Variants in PPP2R2B observed in about 807,000 individuals in gnomAD.
PPP2R2B encodes serine/threonine-protein phosphatase 2A 55 kDa regulatory subunit B beta isoform.
In PPP2R2B, 5 loss-of-function variants were observed where a neutral mutation model predicts 46.0. The ratio of observed to expected loss-of-function variants is 0.11; its 90% CI spans 0.06 to 0.23. PPP2R2B has a LOEUF of 0.23. Among genes scored for constraint, PPP2R2B ranks in the 10% least tolerant of loss-of-function variants. The pLI, the probability that PPP2R2B is intolerant of heterozygous loss-of-function variation, is 1.00. For missense variants in PPP2R2B, 367 were observed against 575.0 expected, an observed-to-expected ratio of 0.64 and a Z score of 3.70; for synonymous variants, 215 against 206.7, an observed-to-expected ratio of 1.04 and a Z score of -0.34.
chr5:146,875,389 G>C (rs1166704126), intron 2 of PPP2R2B, among the ~76,000 whole-genome samples: 1 of 152,154 alleles, frequency 6.6e-6, no homozygotes, highest in African/African-American at 2.4e-5. Context: ...TTTTGAGAAA[G>C]ACAGAGAGAG....
At chr5:146,806,411 T>C (rs564740959) in intron 2 of PPP2R2B, among the ~76,000 whole-genome samples, 2 of 152,258 alleles carry the variant, frequency 1.3e-5, no homozygotes, top group African/African-American at 2.4e-5. Context: ...AAATAGCTTG[T>C]GTATAACCTT....
intron 1 of PPP2R2B, among the ~76,000 whole-genome samples, chr5:146,963,420 T>TC (rs2151843325): frequency 6.6e-6 from 1 of 152,302 alleles, no homozygotes; most frequent in Non-Finnish European, 1.5e-5. Context: ...CCTTCTCCTG[T>TC]CTTGCTCTCT....
chr5:146,909,871 A>G (rs1034685071), intron 1 of PPP2R2B, among the ~76,000 whole-genome samples: 5 of 152,172 alleles, frequency 3.3e-5, no homozygotes, highest in African/African-American at 1.2e-4. Context: ...CTACCATCCC[A>G]CAAAAAAGCC....
At chr5:146,820,945 G>C (rs1375940111) in intron 2 of PPP2R2B, among the ~76,000 whole-genome samples, 6 of 151,994 alleles carry the variant, frequency 3.9e-5, no homozygotes, top group Non-Finnish European at 7.4e-5. Flanking sequence ...CATGCCCTCT[G>C]CACTGCGCTA....
At chr5:146,787,511 TCTCTC>T (rs2151290285) in intron 2 of PPP2R2B, among the ~76,000 whole-genome samples, 1 of 152,064 alleles carries the variant, frequency 6.6e-6, no homozygotes, top group South Asian at 2.1e-4. Context: ...TCTTTTCTCT[TCTCTC>T]CTCTCCTCTC....
At chr5:146,932,140 ATTTG>A (rs1354137260) in intron 1 of PPP2R2B, among the ~76,000 whole-genome samples, 1 of 151,996 alleles carries the variant, frequency 6.6e-6, no homozygotes, top group Admixed American at 6.6e-5. Context: ...ACTCCCTTTT[ATTTG>A]TTTGTTTTCC....
At chr5:146,764,214 C>T (rs1481752547) in intron 2 of PPP2R2B, among the ~76,000 whole-genome samples, 1 of 152,028 alleles carries the variant, frequency 6.6e-6, no homozygotes, top group Non-Finnish European at 1.5e-5. Flanking sequence ...CTGTAGGGAC[C>T]TGAGTCTGGA....
intron 1 of PPP2R2B, among the ~76,000 whole-genome samples, chr5:146,920,830 A>G (rs1763578904): frequency 2.0e-5 from 3 of 152,254 alleles, no homozygotes; most frequent in South Asian, 4.1e-4. Flanking sequence ...CGTTTGAAAA[A>G]CAGGTCTGAA....
At chr5:146,942,209 A>G (rs549840853) in intron 1 of PPP2R2B, among the ~76,000 whole-genome samples, 1 of 152,338 alleles carries the variant, frequency 6.6e-6, no homozygotes, top group Admixed American at 6.5e-5. Context: ...TTTTGGAGAG[A>G]ACATGATTTA....
At chr5:146,864,340 A>T (rs1761181706) in intron 2 of PPP2R2B, among the ~76,000 whole-genome samples, 1 of 146,424 alleles carries the variant, frequency 6.8e-6, no homozygotes, top group South Asian at 2.2e-4. Flanking sequence ...GTTAAAGTCT[A>T]ATTTTTTTCA....
At chr5:146,911,090 T>TGTCTTTTTTTTTTTTTTTTTTGTTG (rs58520448) in intron 1 of PPP2R2B, among the ~76,000 whole-genome samples, 1 of 113,180 alleles carries the variant, frequency 8.8e-6, no homozygotes, top group Non-Finnish European at 1.8e-5. Flanking sequence ...GACACTTTCT[T>TGTCTTTTTTTTTTTTTTTTTTGTTG]TTTTTTTTTT....
At chr5:146,757,923 C>T (rs1309574243) in intron 2 of PPP2R2B, among the ~76,000 whole-genome samples, 1 of 152,120 alleles carries the variant, frequency 6.6e-6, no homozygotes, top group Non-Finnish European at 1.5e-5. Context: ...CTTCCATGCA[C>T]CTTGAAGGCT....
chr5:146,595,401 C>T (rs764140669), intron 8 of PPP2R2B, among the ~76,000 whole-genome samples: 10 of 152,174 alleles, frequency 6.6e-5, no homozygotes, highest in African/African-American at 2.2e-4. Flanking sequence ...CATTCACCTT[C>T]GGCATTTTGT....
intron 5 of PPP2R2B, among the ~76,000 whole-genome samples, chr5:146,685,103 T>G (rs35073767): frequency 6.6e-6 from 1 of 152,094 alleles, no homozygotes; most frequent in Non-Finnish European, 1.5e-5. Flanking sequence ...TAGTAGACAC[T>G]GAGATACAAA....
chr5:146,732,297 A>T (rs913265334), intron 2 of PPP2R2B, among the ~76,000 whole-genome samples: 2 of 152,252 alleles, frequency 1.3e-5, no homozygotes, highest in Non-Finnish European at 2.9e-5. Context: ...AAATTTTTGC[A>T]AGGACCTCTT....
At chr5:146,991,200 A>G (rs554274367) in intron 1 of PPP2R2B, among the ~76,000 whole-genome samples, 1 of 152,314 alleles carries the variant, frequency 6.6e-6, no homozygotes, top group Admixed American at 6.5e-5. Flanking sequence ...CTACCATATG[A>G]TCCAGGAATG....
rs145761992 is a variant in PPP2R2B at position 146,854,535 on chromosome 5, G to A, written c.70+23467C>T. On this transcript the variant is annotated intron_variant, in intron 2 of 9. Coordinates refer to ENST00000394411, the MANE Select transcript of PPP2R2B (RefSeq NM_181675.4). ...TAGAATTTATACCTTTTATCTAACC[G>A]TATATTTGTACCCATTGACCAACCT... Among the ~76,000 whole-genome samples, 597 of 152,150 alleles carry A rather than the reference G, an allele frequency of 3.9e-3. 3 individuals are homozygous for A. The highest frequency in any genetic ancestry group is 7.1e-3 in the Admixed American group (108 of 15,272).
At chr5:146,839,161 G>A (rs1332070213) in intron 2 of PPP2R2B, among the ~76,000 whole-genome samples, 3 of 152,132 alleles carry the variant, frequency 2.0e-5, no homozygotes, top group Admixed American at 2.0e-4. Context: ...TGTGGGGGAG[G>A]CAGGAAGGCA....
At chr5:147,016,633 G>T (rs1755020738) in intron 1 of PPP2R2B, among the ~76,000 whole-genome samples, 1 of 29,728 alleles carries the variant, frequency 3.4e-5, no homozygotes, top group Non-Finnish European at 7.3e-5. Context: ...AGGGTGCTAT[G>T]GGAACACAAA....
Sources: gnomAD v4.1 joint callset for allele counts (sites outside exome capture counted in the v4.1 genomes callset) on GRCh38, gnomAD v4.1.1 for gene constraint, MANE v1.5 for transcripts, NCBI Gene and HGNC (gene_info 2026-07-23, HGNC 2026-07-21) for gene names.